Variants in SLC12A4 observed in about 807,000 individuals in gnomAD.
SLC12A4 encodes the protein solute carrier family 12 member 4, also known as electroneutral potassium-chloride cotransporter 1.
Under a neutral mutation model 119.2 loss-of-function variants are expected in SLC12A4, and 84 were observed. That is an observed-to-expected ratio of 0.70 (90% confidence interval 0.59 to 0.85). The LOEUF (loss-of-function observed/expected upper bound fraction) is 0.85, where lower values mean the gene tolerates loss of function less well. SLC12A4 is among the 40% of genes least tolerant of loss of function. SLC12A4 has a pLI of 0.00. For missense variants in SLC12A4, 1,298 were observed against 1,476.3 expected, an observed-to-expected ratio of 0.88 and a Z score of 1.98; for synonymous variants, 599 against 604.6, an observed-to-expected ratio of 0.99 and a Z score of 0.14.
chr16:67,952,005 C>T lies in SLC12A4; in HGVS notation c.950G>A (p.Arg317Gln), dbSNP rs147353230. 35 of 1,613,904 alleles carry T rather than the reference C, an allele frequency of 2.2e-5. No individual in the cohort carries two copies. The highest frequency in any genetic ancestry group is 8.0e-5 in the African/African-American group (6 of 74,910). Residue 317 changes from arginine (R) to glutamine (Q), a missense_variant, in exon 8 of 24, where the codon CGG (arginine) becomes CAG (glutamine). By Grantham distance (43) the Arg-to-Gln change is conservative (BLOSUM62 1). Transcript: ENST00000316341. ...VCMLGNRTLS[R>Q]DQFDICAKTA... Reference sequence around the variant, plus strand: ...CTTGGCACAGATGTCAAACTGGTCCCGGGACAGGGTCCTGTTGCCCAGCAT... The same window carrying T: ...CTTGGCACAGATGTCAAACTGGTCCTGGGACAGGGTCCTGTTGCCCAGCAT...
At position 67,951,765 on chromosome 16, in the gene SLC12A4, T is replaced by C. The variant is rs539356139; in HGVS notation, c.1132+58A>G. The C allele has an allele frequency of 1.4e-6, 2 of 1,449,766 alleles. No homozygotes were observed. Among genetic ancestry groups the C allele is most frequent in the East Asian group, 2.4e-5 (1 of 41,380 alleles). 89.8% of individuals were successfully genotyped at this position (1,449,766 alleles called of 1,614,324 possible). A position where few individuals can be genotyped will look rare whatever the true frequency, so the allele number is the denominator to read the frequency against. ...TGGCCACACAAGGACAGCTCTGTGC[T>C]CTGTGCCCCTGCTCAGCCTGTGGGC... On this transcript the variant is annotated intron_variant, in intron 8 of 23. Transcript: ENST00000316341. The surrounding 1 kb of genome is among the most constrained non-coding windows in gnomAD (Gnocchi z 5.2).
rs2058414035 is a variant in SLC12A4 at position 67,951,347 on chromosome 16, C to T, written c.1133-43G>A. The stretch of plus-strand genomic sequence containing the variant: ...TCACCACCACAGCTGCCCCCCACTA[C>T]CCCAGGTAGTTTGGGGCAGCCTAGC... On this transcript the variant is annotated intron_variant, in intron 8 of 23. Transcript: ENST00000316341. The surrounding 1 kb of genome is among the most constrained non-coding windows in gnomAD (Gnocchi z 5.2). The T allele has an allele frequency of 6.3e-7, 1 of 1,582,618 alleles. No homozygotes were observed. Among genetic ancestry groups the T allele is most frequent in the Non-Finnish European group, 8.6e-7 (1 of 1,163,592 alleles).
chr16:67,967,433 T>C (rs1460696421), intron 1 of SLC12A4, among the ~76,000 whole-genome samples: 2 of 152,182 alleles, frequency 1.3e-5, no homozygotes, highest in Admixed American at 1.3e-4. Context: ...GAGAATGCCC[T>C]GACCTGAACC....
At chr16:67,960,926 G>A (rs1407484805) in intron 3 of SLC12A4, among the ~76,000 whole-genome samples, 1 of 151,890 alleles carries the variant, frequency 6.6e-6, no homozygotes, top group Non-Finnish European at 1.5e-5. Flanking sequence ...AACCCAGGGG[G>A]TTGTTGGAGG....
At position 67,952,191 on chromosome 16, in the gene SLC12A4, C is replaced by G; in HGVS notation, c.910G>C (p.Val304Leu). 1 of 1,613,842 alleles carries G rather than the reference C, an allele frequency of 6.2e-7. No individual in the cohort carries two copies. The highest frequency in any genetic ancestry group is 8.5e-7 in the Non-Finnish European group (1 of 1,179,886). ...AATTCCTGGGTTACTTACGGAAACA[C>G]GGGAGGGTCAAATATAGACTTTATG... The part of the protein sequence containing the change: ...GGIKSIFDPP[V>L]FPVCMLGNRT... The change falls in exon 7 of 24, where the codon GTG becomes CTG. Residue 304 changes from valine (V) to leucine (L), a missense_variant. Transcript: ENST00000316341.
At position 67,946,182 on chromosome 16, in the gene SLC12A4, G is replaced by A. The variant is rs774930058; in HGVS notation, c.2596C>T (p.Arg866Cys). ...ACCCCCTGGTCTACCTTATGCTGGC[G>A]CAGCAGGAAGGGCAGAAGCATGAGC... ...GMLMLLPFLL[R>C]QHKVWRKCRM... Residue 866 changes from arginine to cysteine, a missense_variant, in exon 19 of 24, where the codon CGC (arginine) becomes TGC (cysteine). Coordinates refer to ENST00000316341, the MANE Select transcript of SLC12A4 (RefSeq NM_005072.5). The A allele has an allele frequency of 2.2e-5, 35 of 1,613,758 alleles. No homozygotes were observed. The Admixed American group carries it at 2.3e-4, about 11-fold the overall frequency.
At chr16:67,954,085 G>A in intron 6 of SLC12A4, 1 of 361,728 alleles carries the variant, frequency 2.8e-6, no homozygotes, top group Non-Finnish European at 5.6e-6. Context: ...GTCACCCCAT[G>A]CCTCCCGCAG....
Position 67,950,684 on chromosome 16 carries a change from G to A in SLC12A4, c.1424C>T (p.Ala475Val). The change falls in exon 11 of 24, where the codon GCC (alanine) becomes GTC (valine). Residue 475 changes from alanine to valine, a missense_variant. Coordinates refer to ENST00000316341, the MANE Select transcript of SLC12A4 (RefSeq NM_005072.5). This position sits in a 1 kb window ranked among gnomAD's most constrained non-coding sequence, Gnocchi z 4.3. ...VYFSSVVLFG[A>V]CIEGVVLRDK... ...CCGGAGAACCACACCCTCAATGCAG[G>A]CACCAAAGAGAACCACACTGCTGAA... 6.2e-7 allele frequency: 1 copy of A among 1,612,156 alleles called. No homozygotes were observed. The highest frequency in any genetic ancestry group is 8.5e-7 in the Non-Finnish European group (1 of 1,179,126).
chr16:67,944,404 G>A lies in SLC12A4; in HGVS notation c.*436C>T. 7.6e-7 allele frequency: 1 copy of A among 1,309,770 alleles called. No individual in the cohort carries two copies. The highest frequency in any genetic ancestry group is 9.7e-7 in the Non-Finnish European group (1 of 1,028,968). 81.1% of individuals were successfully genotyped at this position (1,309,770 alleles called of 1,614,324 possible). Reference sequence around the variant, plus strand: ...CTCCATTCGGCTCAGCTTGGTGGGGGGCCCTGCCCATAGTAGACTGAGCCA... The same window carrying A: ...CTCCATTCGGCTCAGCTTGGTGGGGAGCCCTGCCCATAGTAGACTGAGCCA... On this transcript the variant is annotated 3_prime_UTR_variant, in exon 24 of 24. Coordinates refer to ENST00000316341, the MANE Select transcript of SLC12A4 (RefSeq NM_005072.5). This position sits in a 1 kb window ranked among gnomAD's most constrained non-coding sequence, Gnocchi z 6.6.
Position 67,949,601 on chromosome 16 carries a change from T to C in SLC12A4, c.1748+199A>G. 2.0e-6 allele frequency: 1 copy of C among 509,736 alleles called. No individual in the cohort carries two copies. 31.6% of individuals were successfully genotyped at this position (509,736 alleles called of 1,614,324 possible). On this transcript the variant is annotated intron_variant, in intron 13 of 23. Transcript: ENST00000316341. The surrounding 1 kb of genome is among the most constrained non-coding windows in gnomAD (Gnocchi z 4.6). The stretch of plus-strand genomic sequence containing the variant: ...GGGGCCTCAGGGAGGTGTGGACATA[T>C]TGGTCACCTTATAGCTTTGGCATAG...
At chr16:67,945,275 C>G (rs1178377133) in intron 22 of SLC12A4, 55 bp from the exon 23 acceptor site, 1 of 1,559,460 alleles carries the variant, frequency 6.4e-7, no homozygotes, top group African/African-American at 1.4e-5. Flanking sequence ...CAAGGAGGGT[C>G]CCCACCCCTG....
chr16:67,959,685 C>A (rs1181101428), intron 3 of SLC12A4, among the ~76,000 whole-genome samples: 1 of 152,236 alleles, frequency 6.6e-6, no homozygotes, highest in Admixed American at 6.5e-5. Flanking sequence ...CCCAGTCCCA[C>A]CCCCATCCCA....
Position 67,946,655 on chromosome 16 carries a change from C to T in SLC12A4, c.2242-22G>A, listed in dbSNP as rs982647756. 4 of 1,591,292 alleles carry T rather than the reference C, an allele frequency of 2.5e-6. No homozygotes were observed. The African/African-American group carries it at 4.0e-5, about 16-fold the overall frequency. On this transcript the variant is annotated intron_variant, in intron 17 of 23. Transcript: ENST00000316341. ...TGGTCTGTGGGGAACACACCCAGGG[C>T]CAATGGGAGGCCATCAGCTTCCTGC...
At chr16:67,946,674 T>C (rs761219977) in intron 17 of SLC12A4, 41 bp from the exon 18 acceptor site, 10 of 1,576,112 alleles carry the variant, frequency 6.3e-6, no homozygotes, top group Non-Finnish European at 8.7e-6. Context: ...GGCCATCAGC[T>C]TCCTGCCTCT....
At chr16:67,957,494 A>C in intron 5 of SLC12A4, 2 of 531,380 alleles carry the variant, frequency 3.8e-6, no homozygotes, top group South Asian at 4.5e-5. Flanking sequence ...AAACCCTCTT[A>C]CAGTAAACAT....
At position 67,951,963 on chromosome 16, in the gene SLC12A4, T is replaced by C. The variant is rs759318942; in HGVS notation, c.992A>G (p.Asn331Ser). 1.9e-6 allele frequency: 3 copies of C among 1,614,092 alleles called. No homozygotes were observed. Among genetic ancestry groups the C allele is most frequent in the South Asian group, 1.1e-5 (1 of 91,072 alleles). Residue 331 changes from asparagine (N) to serine (S), a missense_variant, in exon 8 of 24, where the codon AAT becomes AGT. Asn to Ser is a conservative substitution (Grantham distance 46). Coordinates refer to ENST00000316341, the MANE Select transcript of SLC12A4 (RefSeq NM_005072.5). This position sits in a 1 kb window ranked among gnomAD's most constrained non-coding sequence, Gnocchi z 5.2. ...CCATAGCTGGGTGGCCACTGTCTCA[T>C]TGTCCACTACAGCTGTCTTGGCACA... ...DICAKTAVVD[N>S]ETVATQLWSF...
Position 67,945,390 on chromosome 16 carries a change from C to T in SLC12A4, c.3011G>A (p.Arg1004Gln), listed in dbSNP as rs768693498. 3.8e-5 allele frequency: 61 copies of T among 1,613,688 alleles called. No individual in the cohort carries two copies. Among genetic ancestry groups the T allele is most frequent in the South Asian group, 1.3e-4 (12 of 91,056 alleles). ...WDPSHAPDNF[R>Q]ELVHIKPDQS... ...TCACGGCTTAATGTGCACCAGCTCC[C>T]GGAAATTGTCAGGGGCATGGCTGGG... Residue 1004 changes from arginine to glutamine, a missense_variant, in exon 22 of 24, where the codon CGG becomes CAG. Coordinates refer to ENST00000316341, the MANE Select transcript of SLC12A4 (RefSeq NM_005072.5).
Position 67,946,266 on chromosome 16 carries a change from G to A in SLC12A4, c.2512C>T (p.His838Tyr). 1 of 1,613,634 alleles carries A rather than the reference G, an allele frequency of 6.2e-7. No individual in the cohort carries two copies. The highest frequency in any genetic ancestry group is 8.5e-7 in the Non-Finnish European group (1 of 1,180,026). Residue 838 changes from histidine (H) to tyrosine (Y), a missense_variant, in exon 19 of 24, where the codon CAC becomes TAC. Physicochemically the swap from His to Tyr is moderately conservative, Grantham distance 83. Coordinates refer to ENST00000316341, the MANE Select transcript of SLC12A4 (RefSeq NM_005072.5). Reference protein sequence around the residue: ...PKNIAFYPSNHERYLEGHIDV... With the variant: ...PKNIAFYPSNYERYLEGHIDV... ...ATGTGGCCCTCCAGGTAGCGCTCGT[G>A]GTTGCTGGGGTAGAAGGCGATGTTC...
chr16:67,963,706 G>A, intron 1 of SLC12A4, 147 bp from the exon 2 acceptor site: 2 of 826,264 alleles, frequency 2.4e-6, no homozygotes, highest in South Asian at 1.8e-5. Flanking sequence ...ACATGGCACC[G>A]TGCCAATGCT....
Sources: allele counts gnomAD v4.1 joint callset (sites outside exome capture counted in the v4.1 genomes callset), GRCh38; gene constraint gnomAD v4.1.1; non-coding constraint Gnocchi (gnomAD v3.1); transcripts MANE v1.5; gene names NCBI Gene and HGNC (gene_info 2026-07-23, HGNC 2026-07-21).